Variants in GJB7 observed in about 807,000 individuals in gnomAD.
GJB7 encodes the protein gap junction protein beta 7, also known as gap junction beta-7 protein.
For synonymous variants in GJB7, 87 were observed against 95.2 expected (o/e 0.91, Z 0.50); for missense variants, 253 against 256.8 (o/e 0.99, Z 0.10).
intron 2 of GJB7, among the ~76,000 whole-genome samples, chr6:87,294,513 T>C (rs1371487814): frequency 1.3e-5 from 2 of 152,398 alleles, no homozygotes; most frequent in Middle Eastern, 3.4e-3. Context: ...ATAAGCACTA[T>C]TATGCATTGG....
intron 2 of GJB7, chr6:87,292,008 A>T (rs1209745616): frequency 6.6e-6 from 1 of 152,262 alleles, no homozygotes; most frequent in Non-Finnish European, 1.5e-5. Context: ...TGAGTTGGTT[A>T]TATTGTTTCC....
At chr6:87,325,065 T>C (rs1776783554) in intron 1 of GJB7, among the ~76,000 whole-genome samples, 1 of 152,122 alleles carries the variant, frequency 6.6e-6, no homozygotes, top group Admixed American at 6.5e-5. Context: ...GATTTGGCTC[T>C]CTGTTTGTTG....
rs527594652 is a variant in GJB7, at chr6:87,289,999, T to C, written c.-27-5060A>G. 2.6e-5 allele frequency among the ~76,000 whole-genome samples: 4 copies of C among 152,270 alleles called. No homozygotes were observed. In the East Asian group the frequency reaches 5.8e-4, roughly 22 times the overall value. On this transcript the variant is annotated intron_variant, in intron 2 of 2. Coordinates refer to ENST00000525899, the MANE Select transcript of GJB7 (RefSeq NM_198568.3). ...ACTGCCAGCGACACTCCCTGAAAAA[T>C]CCTTCAGCCTTCATACACAGCTCCT...
chr6:87,304,061 C>T (rs1312995362), intron 2 of GJB7, among the ~76,000 whole-genome samples: 1 of 152,082 alleles, frequency 6.6e-6, no homozygotes, highest in Non-Finnish European at 1.5e-5. Flanking sequence ...TAAATGCCCA[C>T]AAGAGAAAGC....
At chr6:87,302,145 C>T (rs1364760222) in intron 2 of GJB7, among the ~76,000 whole-genome samples, 4 of 152,230 alleles carry the variant, frequency 2.6e-5, no homozygotes, top group Admixed American at 6.5e-5. Context: ...AGGAATGCAG[C>T]TCCTCACCAG....
At chr6:87,307,900 C>T (rs1242092302) in intron 2 of GJB7, among the ~76,000 whole-genome samples, 1 of 152,220 alleles carries the variant, frequency 6.6e-6, no homozygotes, top group Admixed American at 6.5e-5. Context: ...GATTATACAT[C>T]ATGCTGCTAT....
rs117161912 is a variant in GJB7, at chr6:87,288,682, C to T, written c.-27-3743G>A. Among the ~76,000 whole-genome samples the T allele has an allele frequency of 4.3e-3, 655 of 152,350 alleles. 3 individuals carry two copies. The highest frequency in any genetic ancestry group is 6.7e-3 in the Non-Finnish European group (458 of 68,034). On this transcript the variant is annotated intron_variant, in intron 2 of 2. Transcript: ENST00000525899. The stretch of plus-strand genomic sequence containing the variant: ...CTGCTTCAGTAAACTGCACCACCAT[C>T]CGCCCAAGTGTTGAAGCCAGAAACT...
At chr6:87,308,215 G>C (rs546140679) in intron 2 of GJB7, among the ~76,000 whole-genome samples, 7 of 151,392 alleles carry the variant, frequency 4.6e-5, no homozygotes. Context: ...ATCACCCACC[G>C]GGGCCTGACA....
intron 2 of GJB7, among the ~76,000 whole-genome samples, chr6:87,304,289 A>G (rs1776385122): frequency 6.6e-6 from 1 of 152,238 alleles, no homozygotes; most frequent in African/African-American, 2.4e-5. Context: ...AGCAAGATTA[A>G]CAAAGAAGAA....
chr6:87,317,431 T>TC (rs1776599252), intron 2 of GJB7, among the ~76,000 whole-genome samples: 1 of 125,756 alleles, frequency 8.0e-6, no homozygotes, highest in Admixed American at 7.7e-5. Flanking sequence ...TTTAATCTTT[T>TC]CCTTTTTTTT....
At chr6:87,302,487 A>G (rs1776347738) in intron 2 of GJB7, among the ~76,000 whole-genome samples, 1 of 152,212 alleles carries the variant, frequency 6.6e-6, no homozygotes, top group Admixed American at 6.5e-5. Flanking sequence ...AAAAAACAGT[A>G]AAAAGAAATG....
intron 2 of GJB7, among the ~76,000 whole-genome samples, chr6:87,318,355 T>C (rs924974730): frequency 6.6e-6 from 1 of 152,204 alleles, no homozygotes; most frequent in African/African-American, 2.4e-5. Context: ...ATTGGCACCA[T>C]AATTCTGCAC....
intron 2 of GJB7, among the ~76,000 whole-genome samples, chr6:87,285,894 T>TCA (rs1776051867): frequency 6.6e-6 from 1 of 152,226 alleles, no homozygotes. Context: ...GTTAGCACTG[T>TCA]CATGCAACTG....
At chr6:87,319,873 A>G (rs563559594) in intron 2 of GJB7, among the ~76,000 whole-genome samples, 1 of 152,376 alleles carries the variant, frequency 6.6e-6, no homozygotes, top group African/African-American at 2.4e-5. Context: ...ACATAGATGG[A>G]ACCGGAGGAC....
In GJB7 at chr6:87,328,859, C is replaced by T. The variant is rs184116732; in HGVS notation, c.-206+279G>A. Among the ~76,000 whole-genome samples, 148 of 152,300 alleles carry T rather than the reference C, an allele frequency of 9.7e-4. 7 individuals are homozygous for T. The East Asian group carries it at 0.022, about 23-fold the overall frequency. ...GGCGCCCCTCCCCCAGCCTCACTGC[C>T]GCCTTGCAGTTTGATCTCAGACTGC... is the stretch of plus-strand genomic sequence containing the variant. On this transcript the variant is annotated intron_variant, in intron 1 of 2. Coordinates refer to ENST00000525899, the MANE Select transcript of GJB7 (RefSeq NM_198568.3).
intron 2 of GJB7, 59 bp from the exon 3 acceptor site, chr6:87,284,998 A>C: frequency 9.4e-7 from 1 of 1,065,096 alleles, no homozygotes. Context: ...GATCGTTTCT[A>C]CTATTTGAGG....
intron 2 of GJB7, among the ~76,000 whole-genome samples, chr6:87,303,729 T>G (rs1347084257): frequency 6.6e-6 from 1 of 152,224 alleles, no homozygotes; most frequent in Non-Finnish European, 1.5e-5. Context: ...TACCTTCTTC[T>G]CAGCACTACG....
chr6:87,287,553 C>T, intron 2 of GJB7, among the ~76,000 whole-genome samples: 1 of 152,084 alleles, frequency 6.6e-6, no homozygotes. Context: ...GTTTTCAGAA[C>T]ACAAACAAAA....
intron 1 of GJB7, among the ~76,000 whole-genome samples, chr6:87,328,796 A>G (rs1051132442): frequency 7.2e-5 from 11 of 152,264 alleles, no homozygotes; most frequent in South Asian, 2.1e-4. Flanking sequence ...CGAGCTTCCC[A>G]GCTGCTTTGT....
Sources: gnomAD v4.1 joint callset for allele counts (sites outside exome capture counted in the v4.1 genomes callset) on GRCh38, gnomAD v4.1.1 for gene constraint, MANE v1.5 for transcripts, NCBI Gene and HGNC (gene_info 2026-07-23, HGNC 2026-07-21) for gene names.